Variants in MAN1A2 observed in about 807,000 individuals in gnomAD.
MAN1A2 encodes the protein mannosyl-oligosaccharide 1,2-alpha-mannosidase IB.
Under a neutral mutation model 75.7 loss-of-function variants are expected in MAN1A2, and 26 were observed. That is an observed-to-expected ratio of 0.34 (90% confidence interval 0.25 to 0.48). MAN1A2 has a LOEUF of 0.48. Ranked by LOEUF, MAN1A2 falls within the 20% of genes least tolerant of loss-of-function variation. The pLI, the probability that MAN1A2 is intolerant of heterozygous loss-of-function variation, is 0.99. For synonymous variants in MAN1A2, 247 were observed against 264.6 expected, an observed-to-expected ratio of 0.93 and a Z score of 0.65; for missense variants, 562 against 775.5, an observed-to-expected ratio of 0.72 and a Z score of 3.27.
intron 1 of MAN1A2, among the ~76,000 whole-genome samples, chr1:117,395,739 T>C (rs977928343): frequency 1.3e-5 from 2 of 152,166 alleles, no homozygotes; most frequent in Non-Finnish European, 2.9e-5. Flanking sequence ...TTTGGAAACC[T>C]TGGAAGGTAC....
At chr1:117,472,515 T>TA (rs1650191819) in intron 8 of MAN1A2, among the ~76,000 whole-genome samples, 2 of 152,148 alleles carry the variant, frequency 1.3e-5, no homozygotes, top group South Asian at 4.1e-4. Context: ...TTGGAGAACT[T>TA]ACATTCTGCT....
intron 2 of MAN1A2, among the ~76,000 whole-genome samples, chr1:117,404,705 C>T (rs1316556728): frequency 2.0e-5 from 3 of 152,232 alleles, no homozygotes; most frequent in Middle Eastern, 3.4e-3. Context: ...TTGTTTAGGG[C>T]AGGGGTTGAC....
chr1:117,500,985 A>G (rs973012702), intron 11 of MAN1A2, among the ~76,000 whole-genome samples: 1 of 151,830 alleles, frequency 6.6e-6, no homozygotes, highest in African/African-American at 2.4e-5. Context: ...ATTTACAGGA[A>G]TGAGGGGGAT....
At chr1:117,411,918 A>C (rs1211793034) in intron 3 of MAN1A2, among the ~76,000 whole-genome samples, 1 of 151,784 alleles carries the variant, frequency 6.6e-6, no homozygotes, top group Non-Finnish European at 1.5e-5. Flanking sequence ...GGTTTCTTAT[A>C]AACTTACTGT....
intron 12 of MAN1A2, chr1:117,515,053 T>C: frequency 3.3e-6 from 1 of 307,154 alleles, no homozygotes; most frequent in Non-Finnish European, 6.6e-6. Flanking sequence ...TAGCTTGGAG[T>C]CTGGTTTAGA....
intron 1 of MAN1A2, among the ~76,000 whole-genome samples, chr1:117,401,589 T>C (rs1051348662): frequency 2.6e-5 from 4 of 152,186 alleles, no homozygotes; most frequent in African/African-American, 9.6e-5. Context: ...ACCAGAATCA[T>C]CTGAGGAGCT....
chr1:117,488,567 A>T (rs1040889389), intron 8 of MAN1A2, among the ~76,000 whole-genome samples: 1 of 152,122 alleles, frequency 6.6e-6, no homozygotes, highest in African/African-American at 2.4e-5. Context: ...AATTAGAAAA[A>T]AATGGTGTCA....
intron 5 of MAN1A2, among the ~76,000 whole-genome samples, chr1:117,438,080 C>G (rs1369128131): frequency 6.6e-6 from 1 of 152,110 alleles, no homozygotes; most frequent in East Asian, 1.9e-4. Flanking sequence ...TATGTATACA[C>G]ATATACAGTC....
intron 1 of MAN1A2, among the ~76,000 whole-genome samples, chr1:117,368,846 G>C (rs925511137): frequency 6.6e-6 from 1 of 152,138 alleles, no homozygotes; most frequent in African/African-American, 2.4e-5. Flanking sequence ...TATTAATAAC[G>C]TGTTGGAGTC....
chr1:117,483,734 C>G (rs1557969411), intron 8 of MAN1A2, among the ~76,000 whole-genome samples: 1 of 152,076 alleles, frequency 6.6e-6, no homozygotes, highest in East Asian at 1.9e-4. Flanking sequence ...ATGTCTTTCT[C>G]TTGCCTGATT....
intron 12 of MAN1A2, among the ~76,000 whole-genome samples, chr1:117,512,750 T>TAAACACAC (rs1553241970): frequency 7.0e-6 from 1 of 143,766 alleles, no homozygotes; most frequent in Non-Finnish European, 1.5e-5. Flanking sequence ...GGCACTGGGA[T>TAAACACAC]ACACACACAC....
intron 3 of MAN1A2, among the ~76,000 whole-genome samples, chr1:117,410,482 A>G (rs1647770751): frequency 6.6e-6 from 1 of 151,840 alleles, no homozygotes; most frequent in South Asian, 2.1e-4. Context: ...AAAATGCAAA[A>G]TACCCCCCAC....
intron 4 of MAN1A2, among the ~76,000 whole-genome samples, chr1:117,418,956 C>T (rs1458266707): frequency 4.6e-5 from 7 of 151,862 alleles, no homozygotes; most frequent in Non-Finnish European, 1.0e-4. Flanking sequence ...TATTCAGAGA[C>T]CTATAGGAAG....
intron 5 of MAN1A2, among the ~76,000 whole-genome samples, chr1:117,432,477 G>A (rs938677392): frequency 6.6e-6 from 1 of 152,138 alleles, no homozygotes; most frequent in Non-Finnish European, 1.5e-5. Context: ...TACATTAAAG[G>A]CATAATAATG....
rs975450984 is a variant in MAN1A2, at chr1:117,438,216, G to A, written c.856-4015G>A. Reference sequence around the variant, plus strand: ...TGATCCTGACCCTGTGTAGGCCTAGGCCAATGTTTGTGTTTGTGTCTTAGT... The same window carrying A: ...TGATCCTGACCCTGTGTAGGCCTAGACCAATGTTTGTGTTTGTGTCTTAGT... On this transcript the variant is annotated intron_variant, in intron 5 of 12. Coordinates refer to ENST00000356554, the MANE Select transcript of MAN1A2 (RefSeq NM_006699.5). 9.9e-5 allele frequency among the ~76,000 whole-genome samples: 15 copies of A among 152,168 alleles called. 1 individual carries two copies. Among genetic ancestry groups the A allele is most frequent in the Admixed American group, 6.5e-4 (10 of 15,284 alleles).
chr1:117,453,149 C>T (rs1446498432), intron 6 of MAN1A2, among the ~76,000 whole-genome samples: 1 of 152,164 alleles, frequency 6.6e-6, no homozygotes, highest in Non-Finnish European at 1.5e-5. Flanking sequence ...TGACAGCGTA[C>T]CTGGTCACCC....
chr1:117,493,079 A>G (rs984119921), intron 8 of MAN1A2, 68 bp from the exon 9 acceptor site: 36 of 833,050 alleles, frequency 4.3e-5, no homozygotes, highest in Non-Finnish European at 6.1e-5. Flanking sequence ...ATAATTGAAA[A>G]TGTTACTTTA....
intron 1 of MAN1A2, among the ~76,000 whole-genome samples, chr1:117,388,869 A>G (rs1480671840): frequency 1.3e-5 from 2 of 152,174 alleles, no homozygotes; most frequent in East Asian, 1.9e-4. Context: ...TAAAAATAAT[A>G]TTTACAATAA....
At chr1:117,419,064 G>A (rs972360318) in intron 4 of MAN1A2, among the ~76,000 whole-genome samples, 1 of 151,994 alleles carries the variant, frequency 6.6e-6, no homozygotes, top group African/African-American at 2.4e-5. Context: ...ACAATTCTGG[G>A]TACAGCAAGT....
Sources: allele counts gnomAD v4.1 joint callset (sites outside exome capture counted in the v4.1 genomes callset), GRCh38; gene constraint gnomAD v4.1.1; transcripts MANE v1.5; gene names NCBI Gene and HGNC (gene_info 2026-07-23, HGNC 2026-07-21).